Variants in ITGA4 observed in about 807,000 individuals in gnomAD.
The protein encoded by ITGA4 is integrin alpha-4.
Under a neutral mutation model 133.6 loss-of-function variants are expected in ITGA4, and 63 were observed. That is an observed-to-expected ratio of 0.47 (90% CI 0.38 to 0.58). ITGA4 has a LOEUF of 0.58. Among genes scored for constraint, ITGA4 ranks in the 20% least tolerant of loss-of-function variants. ITGA4 has a pLI of 0.00. For missense variants in ITGA4, 1,076 were observed against 1,252.7 expected, an observed-to-expected ratio of 0.86 and a Z score of 2.13; for synonymous variants, 483 against 438.0, an observed-to-expected ratio of 1.10 and a Z score of -1.28.
chr2:181,473,684 C>A (rs571246137), intron 2 of ITGA4, among the ~76,000 whole-genome samples: 1 of 152,318 alleles, frequency 6.6e-6, no homozygotes, highest in Admixed American at 6.5e-5. Flanking sequence ...AAATATTAGC[C>A]TTACCAGGCA....
intron 11 of ITGA4, among the ~76,000 whole-genome samples, chr2:181,494,130 G>A (rs1273511806): frequency 6.6e-6 from 1 of 152,162 alleles, no homozygotes; most frequent in Non-Finnish European, 1.5e-5. Flanking sequence ...AAACCTGTAT[G>A]TGAACATGAA....
At chr2:181,481,765 A>G in intron 7 of ITGA4, 82 bp downstream of exon 7, 1 of 538,722 alleles carries the variant, frequency 1.9e-6, no homozygotes, top group South Asian at 2.9e-5. Context: ...AGAAACTGTG[A>G]ATGTTGTAAG....
At chr2:181,517,448 T>C (rs1284258623) in intron 17 of ITGA4, among the ~76,000 whole-genome samples, 11 of 152,124 alleles carry the variant, frequency 7.2e-5, no homozygotes, top group Admixed American at 6.6e-4. Context: ...TATTAAGTTA[T>C]GATTCTGTAT....
chr2:181,462,325 T>C (rs369163022), intron 2 of ITGA4, among the ~76,000 whole-genome samples: 2 of 152,220 alleles, frequency 1.3e-5, no homozygotes. Flanking sequence ...GATTTCTTTC[T>C]GGAAATTTTA....
intron 25 of ITGA4, among the ~76,000 whole-genome samples, chr2:181,533,567 G>A (rs1686990901): frequency 6.6e-6 from 1 of 152,196 alleles, no homozygotes. Flanking sequence ...CACCTCCCAC[G>A]TTCTGACACT....
rs946068714 is a variant in ITGA4, at chr2:181,536,448, C to CAAAGACT, written c.*923_*929dup. 3.9e-5 allele frequency among the ~76,000 whole-genome samples: 6 copies of CAAAGACT among 151,942 alleles called. No individual in the cohort carries two copies. Among genetic ancestry groups the CAAAGACT allele is most frequent in the Admixed American group, 2.0e-4 (3 of 15,218 alleles). On this transcript the variant is annotated 3_prime_UTR_variant, in exon 28 of 28. Transcript: ENST00000397033. ...TAATAACTTTAAAATCAAAGCTGTG[C>CAAAGACT]AAAGACTAGGGGGCCTATACTTCAT... is the stretch of plus-strand genomic sequence containing the variant.
chr2:181,536,280 T>G lies in ITGA4; in HGVS notation c.*753T>G, dbSNP rs1287559023. 3 of 151,958 alleles carry G rather than the reference T, an allele frequency of 2.0e-5. No individual in the cohort carries two copies. Among genetic ancestry groups the G allele is most frequent in the African/African-American group, 7.3e-5 (3 of 41,364 alleles). The allele number at this position is 151,958 out of a possible 1,614,324, so 9.4% of individuals were successfully genotyped here. A position where few individuals can be genotyped will look rare whatever the true frequency, so the allele number is the denominator to read the frequency against. ...AGGTATATATTTACCATTCTTCCTA[T>G]CTATTCTTCCTATAACACACCTTTA... On this transcript the variant is annotated 3_prime_UTR_variant, in exon 28 of 28. Coordinates refer to ENST00000397033, the MANE Select transcript of ITGA4 (RefSeq NM_000885.6).
chr2:181,514,802 A>G lies in ITGA4; in HGVS notation c.1922+3027A>G, dbSNP rs1686574316. On this transcript the variant is annotated intron_variant, in intron 17 of 27. Transcript: ENST00000397033. ...CATTTATAAGAAAATATTACTAACT[A>G]TGCTTCTTTCCTGAATAATGAAAAT... is the stretch of plus-strand genomic sequence containing the variant. 2.0e-5 allele frequency among the ~76,000 whole-genome samples: 3 copies of G among 152,032 alleles called. 1 individual carries two copies. The highest frequency in any genetic ancestry group is 2.0e-4 in the Admixed American group (3 of 15,248).
intron 2 of ITGA4, chr2:181,458,593 G>A: frequency 4.7e-6 from 2 of 428,626 alleles, no homozygotes; most frequent in Middle Eastern, 5.6e-4. Context: ...ATCTCTCCCC[G>A]TCTCTCCGTG....
chr2:181,538,468 C>T lies in ITGA4; in HGVS notation c.*2941C>T, dbSNP rs890277746. Among the ~76,000 whole-genome samples the T allele has an allele frequency of 4.6e-5, 7 of 152,198 alleles. No homozygotes were observed. Among genetic ancestry groups the T allele is most frequent in the Admixed American group, 3.9e-4 (6 of 15,260 alleles). On this transcript the variant is annotated 3_prime_UTR_variant, in exon 28 of 28. Coordinates refer to ENST00000397033, the MANE Select transcript of ITGA4 (RefSeq NM_000885.6). The stretch of plus-strand genomic sequence containing the variant: ...GACTTCCTTGATTGTCCAATGCTCT[C>T]CATTACCTCTGTAAAACAGTCAGTT...
At chr2:181,522,836 T>C (rs1385900146) in intron 18 of ITGA4, among the ~76,000 whole-genome samples, 1 of 152,226 alleles carries the variant, frequency 6.6e-6, no homozygotes, top group African/African-American at 2.4e-5. Context: ...CTTCTTTCTC[T>C]AGTGTTTGCG....
At chr2:181,474,088 A>G (rs536329931) in intron 2 of ITGA4, among the ~76,000 whole-genome samples, 21 of 152,342 alleles carry the variant, frequency 1.4e-4, no homozygotes, top group Middle Eastern at 3.4e-3. Context: ...GAAAAGAAAG[A>G]CAGCAAAAAG....
At chr2:181,492,840 C>T (rs1686079719) in intron 10 of ITGA4, among the ~76,000 whole-genome samples, 1 of 152,062 alleles carries the variant, frequency 6.6e-6, no homozygotes, top group Non-Finnish European at 1.5e-5. Flanking sequence ...GTCTAGACTC[C>T]CAAAATAAAA....
At position 181,495,438 on chromosome 2, in the gene ITGA4, G is replaced by A. The variant is rs1045518826; in HGVS notation, c.1385+22G>A. The A allele has an allele frequency of 3.8e-6, 6 of 1,574,814 alleles. No individual in the cohort carries two copies. The East Asian group carries it at 1.1e-4, about 29-fold the overall frequency. On this transcript the variant is annotated intron_variant, in intron 13 of 27. Transcript: ENST00000397033. This position sits in a 1 kb window ranked among gnomAD's most constrained non-coding sequence, Gnocchi z 4.3. The stretch of plus-strand genomic sequence containing the variant: ...TAAGGTAAGACTGATATATTTCACT[G>A]CTTAATTGCAATTTGGTTTAATTGT...
At position 181,536,193 on chromosome 2, in the gene ITGA4, A is replaced by C. The variant is rs201365453; in HGVS notation, c.*666A>C. ...TTAGTGAAATTACTTCTGGATAATT[A>C]TTTTTTTATAATTATGGATTTCACC... On this transcript the variant is annotated 3_prime_UTR_variant, in exon 28 of 28. Coordinates refer to ENST00000397033, the MANE Select transcript of ITGA4 (RefSeq NM_000885.6). 6.6e-6 allele frequency: 1 copy of C among 151,916 alleles called. No individual in the cohort carries two copies. Among genetic ancestry groups the C allele is most frequent in the African/African-American group, 2.4e-5 (1 of 41,386 alleles). 9.4% of individuals were successfully genotyped at this position (151,916 alleles called of 1,614,324 possible).
Position 181,534,870 on chromosome 2 carries a change from A to G in ITGA4, c.2938A>G (p.Ile980Val), listed in dbSNP as rs1188677424. The G allele has an allele frequency of 2.5e-6, 4 of 1,601,120 alleles. No individual in the cohort carries two copies. The highest frequency in any genetic ancestry group is 3.4e-6 in the Non-Finnish European group (4 of 1,175,744). Residue 980 changes from isoleucine to valine, a missense_variant, in exon 27 of 28, where the codon ATT becomes GTT. This residue lies in a region of ITGA4 where 193 missense variants were observed against 172.3 expected (regional missense o/e 1.12). Coordinates refer to ENST00000397033, the MANE Select transcript of ITGA4 (RefSeq NM_000885.6). Reference sequence around the variant, plus strand: ...ACCCAAACGTTATTTCACCATAGTGATTATTTCAAGTAGCTTGCTACTTGG... The same window carrying G: ...ACCCAAACGTTATTTCACCATAGTGGTTATTTCAAGTAGCTTGCTACTTGG... ...QRPKRYFTIV[I>V]ISSSLLLGLI...
chr2:181,457,810 C>T lies in ITGA4; in HGVS notation c.156C>T (p.Phe52=). The change falls in exon 1 of 28, where the codon TTC becomes TTT. Residue 52 remains phenylalanine, a synonymous_variant. Coordinates refer to ENST00000397033, the MANE Select transcript of ITGA4 (RefSeq NM_000885.6). ...ACCAGGGCCCCCACAACACGCTGTT[C>T]GGCTACTCGGTCGTGCTGCACAGCC... is the stretch of plus-strand genomic sequence containing the variant. ...LLYQGPHNTL[F]GYSVVLHSHG... 1 of 1,613,582 alleles carries T rather than the reference C, an allele frequency of 6.2e-7. No individual in the cohort carries two copies. The highest frequency in any genetic ancestry group is 8.5e-7 in the Non-Finnish European group (1 of 1,179,912).
At chr2:181,496,037 T>G (rs1376394942) in intron 14 of ITGA4, 100 bp downstream of exon 14, 1 of 1,219,934 alleles carries the variant, frequency 8.2e-7, no homozygotes, top group African/African-American at 1.5e-5. Context: ...CACGGAGATC[T>G]TCTTTAGAGC....
intron 10 of ITGA4, among the ~76,000 whole-genome samples, chr2:181,490,024 G>A (rs1404238936): frequency 1.3e-5 from 2 of 152,182 alleles, no homozygotes; most frequent in African/African-American, 4.8e-5. Flanking sequence ...GTGATTGATT[G>A]AGCAAGCAGG....
Sources: allele counts gnomAD v4.1 joint callset (sites outside exome capture counted in the v4.1 genomes callset), GRCh38; gene constraint gnomAD v4.1.1; regional missense constraint gnomAD v4.1.1; non-coding constraint Gnocchi (gnomAD v3.1); transcripts MANE v1.5; gene names NCBI Gene and HGNC (gene_info 2026-07-23, HGNC 2026-07-21).